Variants in OR5B21 observed in about 807,000 individuals in gnomAD.
OR5B21 encodes the protein olfactory receptor 5B21.
For missense variants in OR5B21, 372 were observed against 375.7 expected, an observed-to-expected ratio of 0.99 and a Z score of 0.08; for synonymous variants, 151 against 143.3, an observed-to-expected ratio of 1.05 and a Z score of -0.38.
At position 58,507,476 on chromosome 11, in the gene OR5B21, G is replaced by C; in HGVS notation, c.630C>G (p.Val210=). 1 of 1,614,052 alleles carries C rather than the reference G, an allele frequency of 6.2e-7. No individual in the cohort carries two copies. The highest frequency in any genetic ancestry group is 8.5e-7 in the Non-Finnish European group (1 of 1,180,002). ...AGFNVFFTLL[V]ILISYFFICI... Reference sequence around the variant, plus strand: ...ATATGAAGAAGTAAGAAATAAGGATGACCAGGAGGGTGAAAAAGACGTTGA... The same window carrying C: ...ATATGAAGAAGTAAGAAATAAGGATCACCAGGAGGGTGAAAAAGACGTTGA... The change falls in exon 1 of 1, where the codon GTC becomes GTG. Residue 210 remains valine (V), a synonymous_variant. Transcript: ENST00000360374.
At position 58,507,619 on chromosome 11, in the gene OR5B21, T is replaced by G; in HGVS notation, c.487A>C (p.Arg163=). The G allele has an allele frequency of 6.2e-7, 1 of 1,614,096 alleles. No homozygotes were observed. Among genetic ancestry groups the G allele is most frequent in the Non-Finnish European group, 8.5e-7 (1 of 1,180,030 alleles). Residue 163 remains arginine (R), a synonymous_variant, in exon 1 of 1, where the codon AGA becomes CGA. Transcript: ENST00000360374. ...NASIHAAGTF[R]LSFCGSNEIN... Reference sequence around the variant, plus strand: ...TCATTAGAACCACAGAAGGAGAGTCTGAAGGTGCCTGCTGCATGGATAGAG... The same window carrying G: ...TCATTAGAACCACAGAAGGAGAGTCGGAAGGTGCCTGCTGCATGGATAGAG...
rs771361807 is a variant in OR5B21, at chr11:58,508,026, A to T, written c.80T>A (p.Leu27Gln). The T allele has an allele frequency of 6.2e-7, 1 of 1,614,112 alleles. No individual in the cohort carries two copies. Among genetic ancestry groups the T allele is most frequent in the African/African-American group, 1.3e-5 (1 of 75,050 alleles). ...DDPNLQIPLL[L>Q]AFLFIYLITL... The stretch of plus-strand genomic sequence containing the variant: ...GATGAGGTAGATGAATAAAAATGCC[A>T]GGAGGAGGGGTATCTGAAGATTGGG... The change falls in exon 1 of 1, where the codon CTG becomes CAG. Residue 27 changes from leucine to glutamine, a missense_variant. Transcript: ENST00000360374.
rs373703261 is a variant in OR5B21, at chr11:58,507,528, C to T, written c.578G>A (p.Ser193Asn). ...GCCTGCCACAAAGACCACCAACTTGCTGATGCGTGTGTCAGAGCATGAGAG... is the reference window on the plus strand; with the variant it reads ...GCCTGCCACAAAGACCACCAACTTGTTGATGCGTGTGTCAGAGCATGAGAG... The part of the protein sequence containing the change: ...LALSCSDTRI[S>N]KLVVFVAGFN... Residue 193 changes from serine to asparagine, a missense_variant, in exon 1 of 1, where the codon AGC becomes AAC. Ser to Asn is a conservative substitution (Grantham distance 46). Coordinates refer to ENST00000360374, the MANE Select transcript of OR5B21 (RefSeq NM_001005218.3). 5 of 1,614,006 alleles carry T rather than the reference C, an allele frequency of 3.1e-6. No homozygotes were observed. Among genetic ancestry groups the T allele is most frequent in the Non-Finnish European group, 3.4e-6 (4 of 1,180,018 alleles).
Position 58,507,075 on chromosome 11 carries a change from G to A in OR5B21, c.*101C>T. 1.2e-6 allele frequency: 1 copy of A among 800,084 alleles called. No homozygotes were observed. The highest frequency in any genetic ancestry group is 1.8e-5 in the South Asian group (1 of 55,068). 49.6% of individuals were successfully genotyped at this position (800,084 alleles called of 1,614,324 possible). A position where few individuals can be genotyped will look rare whatever the true frequency, so the allele number is the denominator to read the frequency against. On this transcript the variant is annotated 3_prime_UTR_variant, in exon 1 of 1. Coordinates refer to ENST00000360374, the MANE Select transcript of OR5B21 (RefSeq NM_001005218.3). ...TAGCAGAAGTAACCGCTGTTCTTGGGGAAGAAAGAACTGAAACCAGTCAAA... is the reference window on the plus strand; with the variant it reads ...TAGCAGAAGTAACCGCTGTTCTTGGAGAAGAAAGAACTGAAACCAGTCAAA...
chr11:58,507,597 T>A lies in OR5B21; in HGVS notation c.509A>T (p.Asn170Ile), dbSNP rs1853066370. Residue 170 changes from asparagine (N) to isoleucine (I), a missense_variant, in exon 1 of 1, where the codon AAT (asparagine) becomes ATT (isoleucine). By Grantham distance (149) the Asn-to-Ile change is moderately radical (BLOSUM62 -3). Transcript: ENST00000360374. ...GTFRLSFCGS[N>I]EINHFFCDIP... The stretch of plus-strand genomic sequence containing the variant: ...GTCACAGAAGAAATGATTAATCTCA[T>A]TAGAACCACAGAAGGAGAGTCTGAA... 2 of 1,614,042 alleles carry A rather than the reference T, an allele frequency of 1.2e-6. No homozygotes were observed. Among genetic ancestry groups the A allele is most frequent in the Non-Finnish European group, 1.7e-6 (2 of 1,180,002 alleles).
In OR5B21 at chr11:58,508,026, A is replaced by G. The variant is rs771361807; in HGVS notation, c.80T>C (p.Leu27Pro). The change falls in exon 1 of 1, where the codon CTG becomes CCG. Residue 27 changes from leucine to proline, a missense_variant. Physicochemically the swap from Leu to Pro is moderately conservative, Grantham distance 98. Coordinates refer to ENST00000360374, the MANE Select transcript of OR5B21 (RefSeq NM_001005218.3). ...GATGAGGTAGATGAATAAAAATGCC[A>G]GGAGGAGGGGTATCTGAAGATTGGG... Reference protein sequence around the residue: ...DDPNLQIPLLLAFLFIYLITL... With the variant: ...DDPNLQIPLLPAFLFIYLITL... 1 of 1,614,112 alleles carries G rather than the reference A, an allele frequency of 6.2e-7. No homozygotes were observed. Among genetic ancestry groups the G allele is most frequent in the East Asian group, 2.2e-5 (1 of 44,872 alleles).
In OR5B21 at chr11:58,508,102, C is replaced by T; in HGVS notation, c.4G>A (p.Glu2Lys). ...AACTCTGTCACTTCTGTGCTATTCT[C>T]CATTGTGGCCAGCTTGAATTAGCCT... MENSTEVTEFIL... is the reference protein window; with the variant it reads MKNSTEVTEFIL... The change falls in exon 1 of 1, where the codon GAG (glutamate) becomes AAG (lysine). Residue 2 changes from glutamate to lysine, a missense_variant. Physicochemically the swap from Glu to Lys is moderately conservative, Grantham distance 56. Coordinates refer to ENST00000360374, the MANE Select transcript of OR5B21 (RefSeq NM_001005218.3). 1 of 1,607,174 alleles carries T rather than the reference C, an allele frequency of 6.2e-7. No individual in the cohort carries two copies. The highest frequency in any genetic ancestry group is 8.5e-7 in the Non-Finnish European group (1 of 1,174,924).
In OR5B21 at chr11:58,507,132, G is replaced by T; in HGVS notation, c.*44C>A. 1.5e-6 allele frequency: 2 copies of T among 1,361,430 alleles called. No individual in the cohort carries two copies. The highest frequency in any genetic ancestry group is 2.0e-6 in the Non-Finnish European group (2 of 975,808). The allele number at this position is 1,361,430 out of a possible 1,614,324, so 84.3% of individuals were successfully genotyped here. On this transcript the variant is annotated 3_prime_UTR_variant, in exon 1 of 1. Transcript: ENST00000360374. ...AAGTCATGATGGCATTTAGGTGTGA[G>T]AGAAAGTTTATCCCTTAATTGCTTG...
Position 58,507,247 on chromosome 11 carries a change from A to G in OR5B21, c.859T>C (p.Tyr287His), listed in dbSNP as rs1239622308. The change falls in exon 1 of 1, where the codon TAC becomes CAC. Residue 287 changes from tyrosine (Y) to histidine (H), a missense_variant. Physicochemically the swap from Tyr to His is moderately conservative, Grantham distance 83. Coordinates refer to ENST00000360374, the MANE Select transcript of OR5B21 (RefSeq NM_001005218.3). ...TTCACTTCTTTGTTCCTAAGGCTGT[A>G]TATCAAGGGATTCAGCATGGGAATC... is the stretch of plus-strand genomic sequence containing the variant. Reference protein sequence around the residue: ...VVIPMLNPLIYSLRNKEVKSA... With the variant: ...VVIPMLNPLIHSLRNKEVKSA... 2.5e-6 allele frequency: 4 copies of G among 1,614,090 alleles called. No individual in the cohort carries two copies. In the South Asian group the frequency reaches 4.4e-5, roughly 18 times the overall value.
Position 58,508,075 on chromosome 11 carries a change from TA to T in OR5B21, c.30del (p.Phe10LeufsTer6). 1 of 1,613,886 alleles carries T rather than the reference TA, an allele frequency of 6.2e-7. No individual in the cohort carries two copies. The highest frequency in any genetic ancestry group is 8.5e-7 in the Non-Finnish European group (1 of 1,179,900). The part of the protein sequence containing the change: MENSTEVTE[F>X]ILLGLTDDPN... Reference sequence around the variant, plus strand: ...GGGTCATCTGTTAATCCCAAGAGGATAAACTCTGTCACTTCTGTGCTATTCT... The same window carrying T: ...GGGTCATCTGTTAATCCCAAGAGGATAACTCTGTCACTTCTGTGCTATTCT... On this transcript the variant is annotated frameshift_variant, in exon 1 of 1. Coordinates refer to ENST00000360374, the MANE Select transcript of OR5B21 (RefSeq NM_001005218.3). LOFTEE classifies it low-confidence loss of function (END_TRUNC).
rs1853052779 is a variant in OR5B21 at position 58,506,944 on chromosome 11, A to G, written c.*232T>C. Among the ~76,000 whole-genome samples the G allele has an allele frequency of 6.6e-6, 1 of 152,252 alleles. No individual in the cohort carries two copies. Among genetic ancestry groups the G allele is most frequent in the Non-Finnish European group, 1.5e-5 (1 of 68,034 alleles). ...CAATCTTCTGCTTTAAACCACGTCA[A>G]GAAACTAAAGCAAGAAAAGCTTAAC... On this transcript the variant is annotated 3_prime_UTR_variant, in exon 1 of 1. Coordinates refer to ENST00000360374, the MANE Select transcript of OR5B21 (RefSeq NM_001005218.3).
Position 58,507,238 on chromosome 11 carries a change from T to C in OR5B21, c.868A>G (p.Arg290Gly). 4 of 1,613,952 alleles carry C rather than the reference T, an allele frequency of 2.5e-6. No individual in the cohort carries two copies. The highest frequency in any genetic ancestry group is 3.4e-6 in the Non-Finnish European group (4 of 1,179,860). ...PMLNPLIYSL[R>G]NKEVKSALWK... ...AGAGCACTTTTCACTTCTTTGTTCCTAAGGCTGTATATCAAGGGATTCAGC... is the reference window on the plus strand; with the variant it reads ...AGAGCACTTTTCACTTCTTTGTTCCCAAGGCTGTATATCAAGGGATTCAGC... Residue 290 changes from arginine (R) to glycine (G), a missense_variant, in exon 1 of 1, where the codon AGG becomes GGG. By Grantham distance (125) the Arg-to-Gly change is moderately radical. Coordinates refer to ENST00000360374, the MANE Select transcript of OR5B21 (RefSeq NM_001005218.3).
chr11:58,507,293 G>C lies in OR5B21; in HGVS notation c.813C>G (p.Ala271=). The change falls in exon 1 of 1, where the codon GCC becomes GCG. Residue 271 remains alanine (A), a synonymous_variant. Transcript: ENST00000360374. ...GAATCACCACTGTGTAAAACACAGA[G>C]GCTATTTTGTCTGTGTCCACGGACT... is the stretch of plus-strand genomic sequence containing the variant. ...SSQSVDTDKI[A]SVFYTVVIPM... is the part of the protein sequence containing the mutation. 1 of 1,614,002 alleles carries C rather than the reference G, an allele frequency of 6.2e-7. No homozygotes were observed. The highest frequency in any genetic ancestry group is 8.5e-7 in the Non-Finnish European group (1 of 1,179,864).
chr11:58,507,687 G>A lies in OR5B21; in HGVS notation c.419C>T (p.Ala140Val). Residue 140 changes from alanine (A) to valine (V), a missense_variant, in exon 1 of 1, where the codon GCC becomes GTC. Transcript: ENST00000360374. The stretch of plus-strand genomic sequence containing the variant: ...GACATAGGAACCAGTAGCAAGGAGG[G>A]CACACACACCTGCTGTCATGGTGGT... ...YTTTMTAGVC[A>V]LLATGSYVSG... 1 of 1,614,132 alleles carries A rather than the reference G, an allele frequency of 6.2e-7. No individual in the cohort carries two copies. Among genetic ancestry groups the A allele is most frequent in the Non-Finnish European group, 8.5e-7 (1 of 1,180,024 alleles).
rs1853063113 is a variant in OR5B21 at position 58,507,435 on chromosome 11, C to T, written c.671G>A (p.Arg224Lys). ...SYFFICITIQ[R>K]MHSAEGQKKV... is the part of the protein sequence containing the mutation. ...CTTCTGCCCTTCAGCAGAATGCATC[C>T]TCTGAATGGTGATGCATATGAAGAA... The change falls in exon 1 of 1, where the codon AGG becomes AAG. Residue 224 changes from arginine to lysine, a missense_variant. Physicochemically the swap from Arg to Lys is conservative, Grantham distance 26. Coordinates refer to ENST00000360374, the MANE Select transcript of OR5B21 (RefSeq NM_001005218.3). 6.2e-7 allele frequency: 1 copy of T among 1,613,812 alleles called. No homozygotes were observed.
rs1301049044 is a variant in OR5B21 at position 58,507,415 on chromosome 11, G to T, written c.691C>A (p.Gln231Lys). 6.2e-7 allele frequency: 1 copy of T among 1,613,938 alleles called. No homozygotes were observed. The highest frequency in any genetic ancestry group is 8.5e-7 in the Non-Finnish European group (1 of 1,179,844). ...TIQRMHSAEGQKKVFSTCASH... is the reference protein window; with the variant it reads ...TIQRMHSAEGKKKVFSTCASH... ...GCACAGGTGGAGAAGACTTTCTTCT[G>T]CCCTTCAGCAGAATGCATCCTCTGA... is the stretch of plus-strand genomic sequence containing the variant. Residue 231 changes from glutamine (Q) to lysine (K), a missense_variant, in exon 1 of 1, where the codon CAG becomes AAG. Gln to Lys is a moderately conservative substitution (Grantham distance 53). Coordinates refer to ENST00000360374, the MANE Select transcript of OR5B21 (RefSeq NM_001005218.3).
Position 58,507,984 on chromosome 11 carries a change from C to A in OR5B21, c.122G>T (p.Gly41Val), listed in dbSNP as rs753807163. 1.2e-6 allele frequency: 2 copies of A among 1,613,976 alleles called. No individual in the cohort carries two copies. The highest frequency in any genetic ancestry group is 2.2e-5 in the East Asian group (1 of 44,870). Residue 41 changes from glycine to valine, a missense_variant, in exon 1 of 1, where the codon GGG becomes GTG. Physicochemically the swap from Gly to Val is moderately radical, Grantham distance 109. Transcript: ENST00000360374. ...TGAGTGGATGATCACCATCATTCCC[C>A]CATTCCCAAGCAGGGTGATGAGGTA... ...FIYLITLLGNGGMMVIIHSDS... is the reference protein window; with the variant it reads ...FIYLITLLGNVGMMVIIHSDS...
At position 58,507,461 on chromosome 11, in the gene OR5B21, G is replaced by A. The variant is rs372108831; in HGVS notation, c.645C>T (p.Tyr215=). ...TCTGAATGGTGATGCATATGAAGAA[G>A]TAAGAAATAAGGATGACCAGGAGGG... is the stretch of plus-strand genomic sequence containing the variant. The part of the protein sequence containing the change: ...FFTLLVILIS[Y]FFICITIQRM... The change falls in exon 1 of 1, where the codon TAC becomes TAT. Residue 215 remains tyrosine (Y), a synonymous_variant. Transcript: ENST00000360374. 3.7e-6 allele frequency: 6 copies of A among 1,614,144 alleles called. No individual in the cohort carries two copies. Among genetic ancestry groups the A allele is most frequent in the Admixed American group, 1.7e-5 (1 of 59,994 alleles).
chr11:58,508,038 A>T lies in OR5B21; in HGVS notation c.68T>A (p.Ile23Lys), dbSNP rs1162455584. The T allele has an allele frequency of 6.2e-7, 1 of 1,613,966 alleles. No homozygotes were observed. The highest frequency in any genetic ancestry group is 8.5e-7 in the Non-Finnish European group (1 of 1,180,008). ...GAATAAAAATGCCAGGAGGAGGGGT[A>T]TCTGAAGATTGGGGTCATCTGTTAA... ...LGLTDDPNLQIPLLLAFLFIY... is the reference protein window; with the variant it reads ...LGLTDDPNLQKPLLLAFLFIY... Residue 23 changes from isoleucine to lysine, a missense_variant, in exon 1 of 1, where the codon ATA (isoleucine) becomes AAA (lysine). Physicochemically the swap from Ile to Lys is moderately radical, Grantham distance 102. Coordinates refer to ENST00000360374, the MANE Select transcript of OR5B21 (RefSeq NM_001005218.3).
Sources: allele counts gnomAD v4.1 joint callset (sites outside exome capture counted in the v4.1 genomes callset), GRCh38; gene constraint gnomAD v4.1.1; transcripts MANE v1.5; gene names NCBI Gene and HGNC (gene_info 2026-07-23, HGNC 2026-07-21).